The following CCDC13 variants were observed in gnomAD, a reference collection of about 807,000 sequenced individuals.
CCDC13 encodes coiled-coil domain-containing protein 13.
A neutral mutation model predicts 87.3 loss-of-function variants in CCDC13; 70 were observed. The observed-to-expected ratio is 0.80, with a 90% CI of 0.66 to 0.98. The LOEUF (loss-of-function observed/expected upper bound fraction) is 0.98, where lower values mean the gene tolerates loss of function less well. Ranked by LOEUF, CCDC13 falls within the 50% of genes least tolerant of loss-of-function variation. CCDC13 has a pLI of 0.00. For synonymous variants in CCDC13, 317 were observed against 360.3 expected (o/e 0.88, Z 1.36); for missense variants, 842 against 892.0 (o/e 0.94, Z 0.71).
At chr3:42,769,605 T>C (rs1481671573) in intron 1 of CCDC13, among the ~76,000 whole-genome samples, 3 of 152,272 alleles carry the variant, frequency 2.0e-5, no homozygotes, top group Non-Finnish European at 4.4e-5. Flanking sequence ...TGGCGCCCAC[T>C]CTGGCGGTGC....
At chr3:42,758,739 G>C (rs1470520241) in intron 1 of CCDC13, among the ~76,000 whole-genome samples, 4 of 152,152 alleles carry the variant, frequency 2.6e-5, no homozygotes, top group Admixed American at 6.5e-5. Flanking sequence ...TAGGAACAGG[G>C]CTTGGCCATC....
rs564111690 is a variant in CCDC13 at position 42,772,733 on chromosome 3, G to A, written c.-7+443C>T. Among the ~76,000 whole-genome samples, 14 of 152,226 alleles carry A rather than the reference G, an allele frequency of 9.2e-5. No homozygotes were observed. The South Asian group carries it at 2.7e-3, about 29-fold the overall frequency. On this transcript the variant is annotated intron_variant, in intron 1 of 15. Transcript: ENST00000310232. ...GGCTTGGAGGGGAACTCCCTCTTGC[G>A]AGTCCCCAGTCCTGTGGGGGCTGGG...
intron 5 of CCDC13, among the ~76,000 whole-genome samples, chr3:42,748,848 C>G (rs577686080): frequency 2.6e-5 from 4 of 152,254 alleles, no homozygotes; most frequent in South Asian, 2.1e-4. Context: ...TCCGCCCCCC[C>G]GGGTTGAAGC....
intron 9 of CCDC13, 42 bp from the exon 10 acceptor site, chr3:42,735,955 C>T (rs755856091): frequency 1.7e-5 from 27 of 1,578,216 alleles, no homozygotes; most frequent in Non-Finnish European, 2.3e-5. Context: ...CAGTCATGGC[C>T]CTTTGGGCCG....
chr3:42,714,213 T>C (rs1053638422), intron 13 of CCDC13: 12 of 152,262 alleles, frequency 7.9e-5, no homozygotes, highest in Admixed American at 5.9e-4. Context: ...AAAGATTACA[T>C]TGAGCCCACC....
At chr3:42,733,026 G>A in intron 11 of CCDC13, 56 bp from the exon 12 acceptor site, 1 of 1,445,168 alleles carries the variant, frequency 6.9e-7, no homozygotes, top group Non-Finnish European at 9.5e-7. Context: ...GGCCCTACTG[G>A]GCCTCACCTC....
At chr3:42,746,092 A>T (rs1699388179) in intron 6 of CCDC13, 65 bp from the exon 7 acceptor site, 4 of 1,165,696 alleles carry the variant, frequency 3.4e-6, no homozygotes, top group Non-Finnish European at 5.2e-6. Context: ...TGATGCTGCT[A>T]CGTATTTAGA....
chr3:42,713,576 TCTAG>T (rs1028913116), intron 13 of CCDC13, among the ~76,000 whole-genome samples: 2 of 152,240 alleles, frequency 1.3e-5, no homozygotes, highest in East Asian at 1.9e-4. Flanking sequence ...TTATAACACT[TCTAG>T]CTGTTTCTTT....
At chr3:42,758,659 T>C (rs536876522) in intron 1 of CCDC13, among the ~76,000 whole-genome samples, 19 of 152,358 alleles carry the variant, frequency 1.2e-4, no homozygotes, top group African/African-American at 3.4e-4. Context: ...TGGTTGAACA[T>C]TGAAATCCCC....
intron 1 of CCDC13, among the ~76,000 whole-genome samples, chr3:42,765,883 G>T (rs1384367545): frequency 1.3e-5 from 2 of 152,174 alleles, no homozygotes; most frequent in African/African-American, 4.8e-5. Context: ...AGAAGGGTCT[G>T]ATCTGCCCAG....
At chr3:42,730,289 C>T (rs1698792541) in intron 13 of CCDC13, among the ~76,000 whole-genome samples, 178 bp downstream of exon 13, 1 of 152,056 alleles carries the variant, frequency 6.6e-6, no homozygotes, top group African/African-American at 2.4e-5. Context: ...AAGGGCAAAA[C>T]ACAGTGTGAC....
chr3:42,720,589 G>A (rs528072451), intron 13 of CCDC13, among the ~76,000 whole-genome samples: 35 of 152,332 alleles, frequency 2.3e-4, no homozygotes, highest in Middle Eastern at 3.4e-3. Context: ...TGTAAAGAAA[G>A]TGAAATGTGT....
At chr3:42,745,103 C>G (rs899457053) in intron 7 of CCDC13, 10 of 152,096 alleles carry the variant, frequency 6.6e-5, no homozygotes, top group Non-Finnish European at 1.3e-4. Flanking sequence ...CTTCAAGGAT[C>G]CCATGGGAGA....
rs1378782834 is a variant in CCDC13 at position 42,707,308 on chromosome 3, C to T, written c.*1672G>A. On this transcript the variant is annotated 3_prime_UTR_variant, in exon 16 of 16. Transcript: ENST00000310232. ...CCTGGCTCTCTGCCTGGCCGTTTTC[C>T]TTCACAAGGAACCAGAGAAAAACTC... 6.6e-6 allele frequency among the ~76,000 whole-genome samples: 1 copy of T among 152,166 alleles called. No individual in the cohort carries two copies. Among genetic ancestry groups the T allele is most frequent in the Non-Finnish European group, 1.5e-5 (1 of 68,036 alleles).
chr3:42,723,689 T>C (rs866880239), intron 13 of CCDC13, among the ~76,000 whole-genome samples: 2 of 152,170 alleles, frequency 1.3e-5, no homozygotes, highest in South Asian at 2.1e-4. Flanking sequence ...CAATAGATAC[T>C]GAAGAAGCAC....
Position 42,751,919 on chromosome 3 carries a change from CAGAAG to C in CCDC13, c.603+12_603+16del. On this transcript the variant is annotated intron_variant, in intron 5 of 15. Coordinates refer to ENST00000310232, the MANE Select transcript of CCDC13 (RefSeq NM_144719.4). ...TGGCTGCCTCACAGACTTCCCAGCACAGAAGAGAATTCATACCAATGCTCTGTCTC... is the reference window on the plus strand; with the variant it reads ...TGGCTGCCTCACAGACTTCCCAGCACAGAATTCATACCAATGCTCTGTCTC... The C allele has an allele frequency of 6.2e-7, 1 of 1,609,036 alleles. No homozygotes were observed. Among genetic ancestry groups the C allele is most frequent in the Non-Finnish European group, 8.5e-7 (1 of 1,177,536 alleles).
At chr3:42,725,232 T>A (rs117317543) in intron 13 of CCDC13, among the ~76,000 whole-genome samples, 2 of 152,186 alleles carry the variant, frequency 1.3e-5, no homozygotes, top group Admixed American at 1.3e-4. Context: ...TGTAAATTGA[T>A]TCATTTTAAA....
At chr3:42,715,082 A>G (rs1271097269) in intron 13 of CCDC13, among the ~76,000 whole-genome samples, 1 of 151,886 alleles carries the variant, frequency 6.6e-6, no homozygotes, top group Non-Finnish European at 1.5e-5. Context: ...ACCTGAGGTC[A>G]GAAGTCTGAG....
chr3:42,760,614 G>A (rs1049547420), intron 1 of CCDC13, among the ~76,000 whole-genome samples: 1 of 151,902 alleles, frequency 6.6e-6, no homozygotes, highest in East Asian at 1.9e-4. Context: ...AGTGAGCCAA[G>A]ATTGCGCCAT....
Sources: gnomAD v4.1 joint callset for allele counts (sites outside exome capture counted in the v4.1 genomes callset) on GRCh38, gnomAD v4.1.1 for gene constraint, MANE v1.5 for transcripts, NCBI Gene and HGNC (gene_info 2026-07-23, HGNC 2026-07-21) for gene names.